LATS2: variants seen among roughly 807,000 people sequenced by gnomAD.
LATS2 encodes serine/threonine-protein kinase LATS2.
In LATS2, 24 loss-of-function variants were observed where a neutral mutation model predicts 76.0. The ratio of observed to expected loss-of-function variants is 0.32; its 90% CI spans 0.23 to 0.44. The LOEUF is 0.44. LATS2 is among the 20% of genes least tolerant of loss of function. LATS2 has a pLI of 1.00. For synonymous variants in LATS2, 692 were observed against 635.4 expected (o/e 1.09, Z -1.34); for missense variants, 1,286 against 1,481.2 (o/e 0.87, Z 2.16).
At chr13:21,042,748 G>C (rs1485439843) in intron 2 of LATS2, among the ~76,000 whole-genome samples, 1 of 152,022 alleles carries the variant, frequency 6.6e-6, no homozygotes, top group Non-Finnish European at 1.5e-5. Flanking sequence ...CAGCACTTTG[G>C]GAGGCCTAAG....
rs1204984319 is a variant in LATS2 at position 20,988,342 on chromosome 13, C to A, written c.1438G>T (p.Ala480Ser). The A allele has an allele frequency of 1.5e-6, 2 of 1,377,488 alleles. No homozygotes were observed. Among genetic ancestry groups the A allele is most frequent in the East Asian group, 5.6e-5 (2 of 35,940 alleles). The allele number at this position is 1,377,488 out of a possible 1,614,324, so 85.3% of individuals were successfully genotyped here. A position where few individuals can be genotyped will look rare whatever the true frequency, so the allele number is the denominator to read the frequency against. ...APAPAPAPAP[A>S]AEGLDAKEEH... ...TCCTTGGCGTCCAAGCCCTCCGCAG[C>A]CGGGGCGGGGGCGGGGGCGGGGGCC... Residue 480 changes from alanine (A) to serine (S), a missense_variant, in exon 4 of 8, where the codon GCT becomes TCT. This residue lies in a region of LATS2 where 710 missense variants were observed against 660.9 expected (regional missense o/e 1.07). Coordinates refer to ENST00000382592, the MANE Select transcript of LATS2 (RefSeq NM_014572.3).
chr13:21,006,583 C>G (rs1243320440), intron 2 of LATS2, among the ~76,000 whole-genome samples: 1 of 152,184 alleles, frequency 6.6e-6, no homozygotes, highest in East Asian at 1.9e-4. Flanking sequence ...GTTTGGGCTC[C>G]AAGCCACTCC....
At chr13:20,998,807 C>A (rs1481125543) in intron 2 of LATS2, among the ~76,000 whole-genome samples, 1 of 152,158 alleles carries the variant, frequency 6.6e-6, no homozygotes, top group Admixed American at 6.5e-5. Context: ...ACCTTGTCCA[C>A]ACGGGGCGGG....
chr13:21,006,357 C>T (rs1397815840), intron 2 of LATS2, among the ~76,000 whole-genome samples: 5 of 152,230 alleles, frequency 3.3e-5, no homozygotes, highest in East Asian at 1.9e-4. Flanking sequence ...TGGTCCCCAG[C>T]GCCCACTGTG....
At chr13:21,027,070 CTTT>C (rs1171773158) in intron 2 of LATS2, among the ~76,000 whole-genome samples, 1 of 152,082 alleles carries the variant, frequency 6.6e-6, no homozygotes, top group African/African-American at 2.4e-5. Context: ...AAAGGTTTGC[CTTT>C]TTATTATTGA....
rs761824101 is a variant in LATS2 at position 20,988,049 on chromosome 13, G to A, written c.1731C>T (p.Pro577=). ...CTCTGCTGTTTTTGCGGACGGGAAC[G>A]GGAGAGGTCTGAATCTGCTTTTTAT... ...GKDKKQIQTS[P]VPVRKNSRDE... The change falls in exon 4 of 8, where the codon CCC becomes CCT. Residue 577 remains proline (P), a synonymous_variant. Coordinates refer to ENST00000382592, the MANE Select transcript of LATS2 (RefSeq NM_014572.3). 21 of 1,614,114 alleles carry A rather than the reference G, an allele frequency of 1.3e-5. No individual in the cohort carries two copies. The Admixed American group carries it at 2.2e-4, about 17-fold the overall frequency.
Position 20,975,047 on chromosome 13 carries a change from G to A in LATS2, c.3090C>T (p.Asn1030=). 1.9e-6 allele frequency: 3 copies of A among 1,614,220 alleles called. No individual in the cohort carries two copies. Among genetic ancestry groups the A allele is most frequent in the Non-Finnish European group, 2.5e-6 (3 of 1,180,040 alleles). The change falls in exon 8 of 8, where the codon AAC becomes AAT. Residue 1030 remains asparagine (N), a synonymous_variant. Coordinates refer to ENST00000382592, the MANE Select transcript of LATS2 (RefSeq NM_014572.3). Reference sequence around the variant, plus strand: ...CGTAAAATGCGTGCTCAGGATGCTTGTTATTGGGCGAGGTGAGTGTGTCCC... The same window carrying A: ...CGTAAAATGCGTGCTCAGGATGCTTATTATTGGGCGAGGTGAGTGTGTCCC... ...KAWDTLTSPN[N]KHPEHAFYEF...
At chr13:20,993,035 CAAAAAAA>C (rs551359225) in intron 2 of LATS2, among the ~76,000 whole-genome samples, 39,938 of 88,976 alleles carry the variant, frequency 0.45, 7,632 homozygotes, top group Middle Eastern at 0.56. Context: ...ACTCCATCTC[CAAAAAAA>C]AAAAAAAAAA....
chr13:21,060,156 G>A (rs1446869790), intron 1 of LATS2, among the ~76,000 whole-genome samples: 2 of 152,046 alleles, frequency 1.3e-5, no homozygotes, highest in Non-Finnish European at 2.9e-5. Flanking sequence ...TCCTCGCCTC[G>A]CCCCCCGTTC....
rs371767931 is a variant in LATS2 at position 20,974,586 on chromosome 13, TG to T, written c.*283del. 255 of 336,350 alleles carry T rather than the reference TG, an allele frequency of 7.6e-4. 3 individuals carry two copies. The highest frequency in any genetic ancestry group is 5.0e-3 in the African/African-American group (240 of 47,574). 20.8% of individuals were successfully genotyped at this position (336,350 alleles called of 1,614,324 possible). ...ATCCCTATAATTTAGTAAGAAAAAA[TG>T]GATATAAACAAAATAAGTGCTCTTT... On this transcript the variant is annotated 3_prime_UTR_variant, in exon 8 of 8. Coordinates refer to ENST00000382592, the MANE Select transcript of LATS2 (RefSeq NM_014572.3).
intron 2 of LATS2, among the ~76,000 whole-genome samples, chr13:21,041,165 G>C (rs183437445): frequency 1.7e-3 from 252 of 152,174 alleles, no homozygotes; most frequent in Non-Finnish European, 2.8e-3. Flanking sequence ...GTACAGACAG[G>C]GTTTCACCAT....
chr13:20,985,381 T>C (rs114374649), intron 4 of LATS2, among the ~76,000 whole-genome samples: 1,687 of 152,276 alleles, frequency 0.011, 30 homozygotes, highest in African/African-American at 0.039. Context: ...CAAAAGACTA[T>C]TATTCAGAAT....
At chr13:21,017,472 G>A (rs1595237245) in intron 2 of LATS2, among the ~76,000 whole-genome samples, 1 of 152,052 alleles carries the variant, frequency 6.6e-6, no homozygotes, top group East Asian at 1.9e-4. Context: ...ACCACACCTG[G>A]ATGATTCTTT....
At chr13:21,042,564 G>A (rs1338564597) in intron 2 of LATS2, among the ~76,000 whole-genome samples, 1 of 152,036 alleles carries the variant, frequency 6.6e-6, no homozygotes, top group East Asian at 1.9e-4. Flanking sequence ...TGGCACGCCT[G>A]TAGTCCCAGC....
Position 20,981,702 on chromosome 13 carries a change from T to C in LATS2, c.2483-54A>G, listed in dbSNP as rs549341189. On this transcript the variant is annotated intron_variant, in intron 5 of 7. Transcript: ENST00000382592. ...GAAAAGAACAAAATATAAAGTGAAT[T>C]TTCACTCTTCAATAACTCAACAGAT... The C allele has an allele frequency of 9.2e-5, 133 of 1,451,022 alleles. No homozygotes were observed. In the African/African-American group the frequency reaches 1.7e-3, roughly 19 times the overall value. 89.9% of individuals were successfully genotyped at this position (1,451,022 alleles called of 1,614,324 possible). A position where few individuals can be genotyped will look rare whatever the true frequency, so the allele number is the denominator to read the frequency against.
At chr13:21,027,624 C>T (rs777083780) in intron 2 of LATS2, among the ~76,000 whole-genome samples, 24 of 152,136 alleles carry the variant, frequency 1.6e-4, no homozygotes, top group Non-Finnish European at 2.9e-4. Context: ...TCTTGCTTAG[C>T]TTTAGAGACT....
Position 20,988,132 on chromosome 13 carries a change from C to T in LATS2, c.1648G>A (p.Glu550Lys), listed in dbSNP as rs1870253046. Residue 550 changes from glutamate (E) to lysine (K), a missense_variant, in exon 4 of 8, where the codon GAG (glutamate) becomes AAG (lysine). Glu to Lys is a moderately conservative substitution (Grantham distance 56). This residue lies in a region of LATS2 where 710 missense variants were observed against 660.9 expected (regional missense o/e 1.07). Transcript: ENST00000382592. ...CGGCTCTTGTCGCCGCCCTCGGGCT[C>T]GTTGGGGCCCGCACGGAGGCTCTGC... ...MEQSLRAGPN[E>K]PEGGDKSRKS... The T allele has an allele frequency of 6.2e-7, 1 of 1,614,090 alleles. No homozygotes were observed. Among genetic ancestry groups the T allele is most frequent in the South Asian group, 1.1e-5 (1 of 91,088 alleles).
chr13:20,975,042 T>C lies in LATS2; in HGVS notation c.3095A>G (p.His1032Arg), dbSNP rs1279276735. 2 of 1,614,110 alleles carry C rather than the reference T, an allele frequency of 1.2e-6. No homozygotes were observed. Among genetic ancestry groups the C allele is most frequent in the East Asian group, 2.2e-5 (1 of 44,896 alleles). ...WDTLTSPNNK[H>R]PEHAFYEFTF... ...GAATTCGTAAAATGCGTGCTCAGGA[T>C]GCTTGTTATTGGGCGAGGTGAGTGT... The change falls in exon 8 of 8, where the codon CAT (histidine) becomes CGT (arginine). Residue 1032 changes from histidine to arginine, a missense_variant. Physicochemically the swap from His to Arg is conservative, Grantham distance 29 (BLOSUM62 0). Coordinates refer to ENST00000382592, the MANE Select transcript of LATS2 (RefSeq NM_014572.3).
intron 2 of LATS2, among the ~76,000 whole-genome samples, chr13:20,995,623 T>C (rs1870719638): frequency 6.6e-6 from 1 of 152,326 alleles, no homozygotes; most frequent in Non-Finnish European, 1.5e-5. Flanking sequence ...AGTAAGAAGA[T>C]ACTGTCTGTT....
Sources: allele counts gnomAD v4.1 joint callset (sites outside exome capture counted in the v4.1 genomes callset), GRCh38; gene constraint gnomAD v4.1.1; regional missense constraint gnomAD v4.1.1; transcripts MANE v1.5; gene names NCBI Gene and HGNC (gene_info 2026-07-23, HGNC 2026-07-21).